ST6GALNAC5: variants seen among roughly 807,000 people sequenced by gnomAD.
The protein encoded by ST6GALNAC5 is alpha-N-acetylgalactosaminide alpha-2,6-sialyltransferase 5.
ST6GALNAC5 carries 27 observed loss-of-function variants against 33.6 expected under a neutral mutation model. The ratio of observed to expected loss-of-function variants is 0.80; its 90% CI spans 0.59 to 1.11. The LOEUF is 1.11. Among genes scored for constraint, ST6GALNAC5 ranks in the 50% least tolerant of loss-of-function variants. ST6GALNAC5 has a pLI of 0.00. For synonymous variants in ST6GALNAC5, 194 were observed against 171.2 expected, an observed-to-expected ratio of 1.13 and a Z score of -1.04; for missense variants, 428 against 454.0, an observed-to-expected ratio of 0.94 and a Z score of 0.52.
At chr1:77,003,397 G>C (rs1650256284) in intron 2 of ST6GALNAC5, among the ~76,000 whole-genome samples, 1 of 149,282 alleles carries the variant, frequency 6.7e-6, no homozygotes, top group African/African-American at 2.4e-5. Flanking sequence ...CTGCACGTGA[G>C]ATGGGTTTCC....
intron 2 of ST6GALNAC5, among the ~76,000 whole-genome samples, chr1:76,944,172 G>A (rs927450810): frequency 2.0e-5 from 3 of 152,200 alleles, no homozygotes; most frequent in African/African-American, 7.2e-5. Flanking sequence ...AAACCTAGAG[G>A]AAAATGTGTC....
intron 3 of ST6GALNAC5, among the ~76,000 whole-genome samples, chr1:77,046,827 A>C: frequency 6.6e-6 from 1 of 152,190 alleles, no homozygotes; most frequent in East Asian, 1.9e-4. Flanking sequence ...TTCCTAAAAC[A>C]CTGCCGCAAT....
At chr1:76,890,523 A>G (rs953561410) in intron 2 of ST6GALNAC5, among the ~76,000 whole-genome samples, 1 of 147,506 alleles carries the variant, frequency 6.8e-6, no homozygotes, top group African/African-American at 2.5e-5. Flanking sequence ...ATGCCCATTC[A>G]TTATGCTAGA....
chr1:76,932,406 G>C (rs1199030628), intron 2 of ST6GALNAC5, among the ~76,000 whole-genome samples: 34 of 152,112 alleles, frequency 2.2e-4, no homozygotes, highest in Admixed American at 2.2e-3. Context: ...GGATAAGTCA[G>C]AGAATGCACA....
chr1:77,060,381 G>T (rs1652536838), intron 4 of ST6GALNAC5, among the ~76,000 whole-genome samples: 2 of 152,150 alleles, frequency 1.3e-5, no homozygotes, highest in Non-Finnish European at 2.9e-5. Flanking sequence ...AAAAACTAGG[G>T]CAGTCTTTAG....
At chr1:76,965,942 C>T (rs777024272) in intron 2 of ST6GALNAC5, among the ~76,000 whole-genome samples, 5 of 152,132 alleles carry the variant, frequency 3.3e-5, no homozygotes, top group Non-Finnish European at 7.3e-5. Flanking sequence ...TTTCTGAGGC[C>T]TCTGTTCTGC....
At chr1:76,996,509 T>C (rs115396721) in intron 2 of ST6GALNAC5, among the ~76,000 whole-genome samples, 184 of 152,326 alleles carry the variant, frequency 1.2e-3, no homozygotes, top group African/African-American at 4.3e-3. Context: ...CTATCCTGCT[T>C]GCAGTTGCAA....
chr1:77,061,222 G>A (rs1015143429), intron 4 of ST6GALNAC5, among the ~76,000 whole-genome samples: 1 of 152,122 alleles, frequency 6.6e-6, no homozygotes, highest in Admixed American at 6.5e-5. Flanking sequence ...ATTCAGCATA[G>A]CATCCAAACC....
chr1:76,926,780 TAGCAATACAGGAAAAGATG>T (rs1383337722), intron 2 of ST6GALNAC5, among the ~76,000 whole-genome samples: 1 of 152,184 alleles, frequency 6.6e-6, no homozygotes, highest in African/African-American at 2.4e-5. Flanking sequence ...ATGCTGTCAC[TAGCAATACAGGAAAAGATG>T]GATTCTCCAT....
rs543948900 is a variant in ST6GALNAC5 at position 76,883,054 on chromosome 1, A to G, written c.261+14312A>G. 7.2e-5 allele frequency among the ~76,000 whole-genome samples: 11 copies of G among 152,224 alleles called. No homozygotes were observed. The South Asian group carries it at 8.3e-4, about 11-fold the overall frequency. ...ACAACATCTATGCAGAGTATACCCA[A>G]CGTTCTCTTATGTCAGCCACACATC... On this transcript the variant is annotated intron_variant, in intron 2 of 4. Transcript: ENST00000477717.
At chr1:76,886,557 C>T (rs1159896204) in intron 2 of ST6GALNAC5, among the ~76,000 whole-genome samples, 5 of 152,170 alleles carry the variant, frequency 3.3e-5, no homozygotes, top group African/African-American at 1.2e-4. Flanking sequence ...GACCAGTACT[C>T]CTTGCCAACA....
chr1:76,999,123 A>G (rs1230208474), intron 2 of ST6GALNAC5, among the ~76,000 whole-genome samples: 1 of 152,186 alleles, frequency 6.6e-6, no homozygotes, highest in East Asian at 1.9e-4. Context: ...TTTTCCCTAG[A>G]TACCTAAACA....
intron 2 of ST6GALNAC5, among the ~76,000 whole-genome samples, chr1:76,986,213 C>T (rs1649488148): frequency 6.6e-6 from 1 of 152,158 alleles, no homozygotes; most frequent in Non-Finnish European, 1.5e-5. Context: ...AAACTATCAT[C>T]AGAGTGAGCA....
chr1:76,965,535 A>C (rs1285349103), intron 2 of ST6GALNAC5, among the ~76,000 whole-genome samples: 2 of 152,076 alleles, frequency 1.3e-5, no homozygotes, highest in Non-Finnish European at 2.9e-5. Context: ...AGATTGCAAA[A>C]ATTTTCTCCC....
chr1:76,925,950 G>C (rs1371568902), intron 2 of ST6GALNAC5, among the ~76,000 whole-genome samples: 2 of 152,156 alleles, frequency 1.3e-5, no homozygotes, highest in East Asian at 3.9e-4. Flanking sequence ...AGCTCTTTAG[G>C]TACCACATGC....
intron 2 of ST6GALNAC5, among the ~76,000 whole-genome samples, chr1:76,887,888 G>C (rs1401795582): frequency 2.0e-5 from 3 of 151,176 alleles, no homozygotes; most frequent in Non-Finnish European, 4.4e-5. Context: ...TTTTTCATAG[G>C]TTCTCTTTTA....
intron 2 of ST6GALNAC5, among the ~76,000 whole-genome samples, chr1:77,005,948 T>C (rs1208650927): frequency 1.3e-5 from 2 of 152,206 alleles, no homozygotes; most frequent in African/African-American, 4.8e-5. Context: ...ATTCCTCCAT[T>C]GATGGGCATT....
chr1:77,059,793 C>A (rs1043884451), intron 4 of ST6GALNAC5, among the ~76,000 whole-genome samples: 2 of 152,108 alleles, frequency 1.3e-5, no homozygotes, highest in East Asian at 1.9e-4. Flanking sequence ...ATTTTTTCTA[C>A]ATTGTTTATT....
At chr1:76,936,193 G>A (rs976686290) in intron 2 of ST6GALNAC5, among the ~76,000 whole-genome samples, 11 of 152,006 alleles carry the variant, frequency 7.2e-5, no homozygotes, top group Non-Finnish European at 1.0e-4. Flanking sequence ...TTAACTCACC[G>A]TATTATTTCC....
Sources: gnomAD v4.1 joint callset for allele counts (sites outside exome capture counted in the v4.1 genomes callset) on GRCh38, gnomAD v4.1.1 for gene constraint, MANE v1.5 for transcripts, NCBI Gene and HGNC (gene_info 2026-07-23, HGNC 2026-07-21) for gene names.